CIAO3: variants seen among roughly 807,000 people sequenced by gnomAD.
The protein encoded by CIAO3 is cytosolic iron-sulfur assembly component 3, also known as LET1 like/JFP15.
In CIAO3, 45 loss-of-function variants were observed where a neutral mutation model predicts 51.5. That is an observed-to-expected ratio of 0.87 (90% confidence interval 0.69 to 1.12). The LOEUF is 1.12. Among genes scored for constraint, CIAO3 ranks in the 50% most tolerant of loss-of-function variants. The probability of loss-of-function intolerance (pLI) is 0.00; values close to 1 mark genes in which losing one functional copy is unlikely to be tolerated. For synonymous variants in CIAO3, 314 were observed against 269.3 expected (o/e 1.17, Z -1.63); for missense variants, 668 against 632.5 (o/e 1.06, Z -0.60).
rs1460546586 is a variant in CIAO3 at position 730,070 on chromosome 16, C to A, written c.*347G>T. Reference sequence around the variant, plus strand: ...CCGTCTTGCTCTGCCTCAGGCAACCCCGGGACAGGCTGAAGCCCCTCACGC... The same window carrying A: ...CCGTCTTGCTCTGCCTCAGGCAACCACGGGACAGGCTGAAGCCCCTCACGC... On this transcript the variant is annotated 3_prime_UTR_variant, in exon 11 of 11. Transcript: ENST00000251588. 9.4e-6 allele frequency: 4 copies of A among 426,292 alleles called. No individual in the cohort carries two copies. The highest frequency in any genetic ancestry group is 2.0e-5 in the African/African-American group (1 of 49,710). 26.4% of individuals were successfully genotyped at this position (426,292 alleles called of 1,614,324 possible).
Position 731,556 on chromosome 16 carries a change from C to T in CIAO3, c.1034+9G>A, listed in dbSNP as rs1330122290. 31 of 1,559,252 alleles carry T rather than the reference C, an allele frequency of 2.0e-5. No individual in the cohort carries two copies. Among genetic ancestry groups the T allele is most frequent in the Non-Finnish European group, 2.4e-5 (28 of 1,152,080 alleles). ...CGCTCTGCCCAGAGATCTGGCCCATCCCACTGACCTCAGGGGTTTGTAGGT... is the reference window on the plus strand; with the variant it reads ...CGCTCTGCCCAGAGATCTGGCCCATTCCACTGACCTCAGGGGTTTGTAGGT... On this transcript the variant is annotated intron_variant, in intron 9 of 10. Transcript: ENST00000251588.
At chr16:738,613 A>T (rs996700493) in intron 2 of CIAO3, among the ~76,000 whole-genome samples, 3 of 149,926 alleles carry the variant, frequency 2.0e-5, no homozygotes, top group African/African-American at 7.4e-5. Context: ...CGGCCTCCCA[A>T]AGTGCTGGGA....
In CIAO3 at chr16:737,273, C is replaced by G; in HGVS notation, c.219G>C (p.Ala73=). ...CTGCGGAGGTGATGCAGCCGCTGCA[C>G]GCCAGGCAGTCGTTTAGCGAGACCT... is the stretch of plus-strand genomic sequence containing the variant. ...KAKVSLNDCL[A]CSGCITSAET... is the part of the protein sequence containing the mutation. The change falls in exon 3 of 11, where the codon GCG becomes GCC. Residue 73 remains alanine, a synonymous_variant. Coordinates refer to ENST00000251588, the MANE Select transcript of CIAO3 (RefSeq NM_022493.3). The surrounding 1 kb of genome is among the most constrained non-coding windows in gnomAD (Gnocchi z 5.3). 1 of 1,613,490 alleles carries G rather than the reference C, an allele frequency of 6.2e-7. No homozygotes were observed. Among genetic ancestry groups the G allele is most frequent in the Non-Finnish European group, 8.5e-7 (1 of 1,180,026 alleles).
chr16:731,108 G>T, intron 9 of CIAO3, 108 bp from the exon 10 acceptor site: 1 of 1,398,280 alleles, frequency 7.2e-7, no homozygotes, highest in Non-Finnish European at 9.8e-7. Context: ...ACCTCCCAGG[G>T]CTCTCTCCCT....
Position 737,215 on chromosome 16 carries a change from C to A in CIAO3, c.277G>T (p.Glu93Ter). 6.2e-7 allele frequency: 1 copy of A among 1,613,786 alleles called. No individual in the cohort carries two copies. Among genetic ancestry groups the A allele is most frequent in the South Asian group, 1.1e-5 (1 of 91,086 alleles). The stretch of plus-strand genomic sequence containing the variant: ...TTAGCATCTAGAACCTTCTTCAGCT[C>A]CTCGTGGCTCTGCTGGGTGATAAGC... ...TVLITQQSHE[E>*]LKKVLDANKM... The change falls in exon 3 of 11, where the codon GAG (glutamate) becomes TAG (stop). Residue 93 changes from glutamate to a stop codon, truncating the protein, a stop_gained. Coordinates refer to ENST00000251588, the MANE Select transcript of CIAO3 (RefSeq NM_022493.3). LOFTEE classifies it high-confidence loss of function. The surrounding 1 kb of genome is among the most constrained non-coding windows in gnomAD (Gnocchi z 5.3).
intron 9 of CIAO3, 163 bp downstream of exon 9, chr16:731,402 C>G (rs923928228): frequency 9.8e-7 from 1 of 1,020,876 alleles, no homozygotes; most frequent in African/African-American, 1.6e-5. Context: ...ACACCCTGAG[C>G]CCGCCAGGAG....
At position 739,628 on chromosome 16, in the gene CIAO3, C is replaced by T. The variant is rs1455741207; in HGVS notation, c.162+15G>A. ...CCGGGCAGGAGAGATGGTGGAGCAG[C>T]CTCCTGTGCCTTACTTGGTTAATTT... On this transcript the variant is annotated intron_variant, in intron 2 of 10. Coordinates refer to ENST00000251588, the MANE Select transcript of CIAO3 (RefSeq NM_022493.3). 1.2e-6 allele frequency: 2 copies of T among 1,611,400 alleles called. No homozygotes were observed. The highest frequency in any genetic ancestry group is 1.7e-6 in the Non-Finnish European group (2 of 1,177,534).
chr16:731,875 GTTT>G, intron 8 of CIAO3, 173 bp from the exon 9 acceptor site: 1 of 697,330 alleles, frequency 1.4e-6, no homozygotes, highest in African/African-American at 1.9e-5. Flanking sequence ...GCCACTTCTT[GTTT>G]TTTTTTTTGA....
intron 1 of CIAO3, chr16:740,671 G>T: frequency 3.8e-6 from 2 of 533,100 alleles, no homozygotes; most frequent in Admixed American, 3.7e-5. Context: ...CAGCCCGCCC[G>T]GACACCATGG....
chr16:734,141 T>C, intron 6 of CIAO3, 88 bp downstream of exon 6: 1 of 1,189,258 alleles, frequency 8.4e-7, no homozygotes. Context: ...GCGAGGACTC[T>C]GTTTCCTGCA....
intron 2 of CIAO3, chr16:738,262 G>A: frequency 2.0e-6 from 2 of 987,558 alleles, no homozygotes; most frequent in Non-Finnish European, 2.4e-6. Context: ...GTGCTGGGCT[G>A]GAAATCGTCT....
In CIAO3 at chr16:737,457, T is replaced by G; in HGVS notation, c.163-128A>C. 1 of 1,543,260 alleles carries G rather than the reference T, an allele frequency of 6.5e-7. No individual in the cohort carries two copies. Among genetic ancestry groups the G allele is most frequent in the Non-Finnish European group, 8.7e-7 (1 of 1,146,322 alleles). On this transcript the variant is annotated intron_variant, in intron 2 of 10. Transcript: ENST00000251588. This position sits in a 1 kb window ranked among gnomAD's most constrained non-coding sequence, Gnocchi z 5.3. ...CTGGCTGGGCTTGTGTGCCGCTGAA[T>G]TTTTAAAAATTAGGTATGTATTACA...
rs139811651 is a variant in CIAO3, at chr16:731,623, G to A, written c.976C>T (p.His326Tyr). 2.0e-5 allele frequency: 31 copies of A among 1,561,680 alleles called. No individual in the cohort carries two copies. The highest frequency in any genetic ancestry group is 9.5e-5 in the African/African-American group (7 of 73,654). ...SGGYLEHVFR[H>Y]AARELFGIHV... ...ATTCCAAAGAGCTCTCGGGCCGCGT[G>A]CCGGAACACGTGCTCCAGGTAGCCC... is the stretch of plus-strand genomic sequence containing the variant. Residue 326 changes from histidine to tyrosine, a missense_variant, in exon 9 of 11, where the codon CAC becomes TAC. By Grantham distance (83) the His-to-Tyr change is moderately conservative (BLOSUM62 2). Transcript: ENST00000251588.
Position 731,002 on chromosome 16 carries a change from T to TG in CIAO3, c.1035-3dup, listed in dbSNP as rs757176359. The stretch of plus-strand genomic sequence containing the variant: ...GTCACCTCCTGGAAGTCTTTGTTCC[T>TG]GGGGGGCACAGGCGGGGTTTGTCTA... On this transcript the variant is annotated splice_region_variant and splice_polypyrimidine_tract_variant and intron_variant, in intron 9 of 10. Coordinates refer to ENST00000251588, the MANE Select transcript of CIAO3 (RefSeq NM_022493.3). 1.9e-5 allele frequency: 30 copies of TG among 1,612,420 alleles called. No homozygotes were observed. The highest frequency in any genetic ancestry group is 2.5e-5 in the Non-Finnish European group (29 of 1,179,846).
chr16:740,213 G>A (rs2151605113), intron 1 of CIAO3: 3 of 823,414 alleles, frequency 3.6e-6, no homozygotes, highest in South Asian at 1.5e-5. Flanking sequence ...CATCCCTGCC[G>A]GAAGCGCTCC....
Position 730,198 on chromosome 16 carries a change from G to GCCACC in CIAO3, c.*214_*218dup. ...CCTCAGGGAACCTTCTGCTGCCTGG[G>GCCACC]CCACCCCACCCCACCTGGGCAGAGC... On this transcript the variant is annotated 3_prime_UTR_variant, in exon 11 of 11. Transcript: ENST00000251588. 1 of 596,482 alleles carries GCCACC rather than the reference G, an allele frequency of 1.7e-6. No individual in the cohort carries two copies. The highest frequency in any genetic ancestry group is 3.0e-6 in the Non-Finnish European group (1 of 336,048). 36.9% of individuals were successfully genotyped at this position (596,482 alleles called of 1,614,324 possible).
rs1242275719 is a variant in CIAO3 at position 737,909 on chromosome 16, A to C, written c.163-580T>G. On this transcript the variant is annotated intron_variant, in intron 2 of 10. Coordinates refer to ENST00000251588, the MANE Select transcript of CIAO3 (RefSeq NM_022493.3). This position sits in a 1 kb window ranked among gnomAD's most constrained non-coding sequence, Gnocchi z 5.3. ...CTTTTCTTACATGCAAAACGCACCC[A>C]GCTCGAGCTCCCCCAACTTCTCCTG... The C allele has an allele frequency of 8.5e-7, 1 of 1,182,320 alleles. No homozygotes were observed. The allele number at this position is 1,182,320 out of a possible 1,614,324, so 73.2% of individuals were successfully genotyped here.
intron 5 of CIAO3, 71 bp from the exon 6 acceptor site, chr16:734,418 G>A (rs926250754): frequency 9.7e-6 from 11 of 1,134,946 alleles, no homozygotes; most frequent in East Asian, 2.4e-5. Flanking sequence ...GCAGCAGCAC[G>A]ACATTCTGGG....
At position 729,821 on chromosome 16, in the gene CIAO3, C is replaced by A; in HGVS notation, c.*596G>T. On this transcript the variant is annotated 3_prime_UTR_variant, in exon 11 of 11. Coordinates refer to ENST00000251588, the MANE Select transcript of CIAO3 (RefSeq NM_022493.3). ...CGCTGGGAGACAGGCCTGGTGGGGA[C>A]CTGGCTGGGGGATGATGCAGCCCGC... 2.3e-6 allele frequency: 2 copies of A among 863,508 alleles called. No individual in the cohort carries two copies. Among genetic ancestry groups the A allele is most frequent in the Non-Finnish European group, 3.2e-6 (2 of 628,234 alleles). The allele number at this position is 863,508 out of a possible 1,614,324, so 53.5% of individuals were successfully genotyped here. A position where few individuals can be genotyped will look rare whatever the true frequency, so the allele number is the denominator to read the frequency against.
Sources: gnomAD v4.1 joint callset for allele counts (sites outside exome capture counted in the v4.1 genomes callset) on GRCh38, gnomAD v4.1.1 for gene constraint, Gnocchi (gnomAD v3.1) non-coding constraint, MANE v1.5 for transcripts, NCBI Gene and HGNC (gene_info 2026-07-23, HGNC 2026-07-21) for gene names.